The following ARHGAP42 variants were observed in gnomAD, a reference collection of about 807,000 sequenced individuals.
The protein encoded by ARHGAP42 is rho GTPase-activating protein 42.
A neutral mutation model predicts 125.0 loss-of-function variants in ARHGAP42; 63 were observed. The ratio of observed to expected loss-of-function variants is 0.50; its 90% CI spans 0.41 to 0.62. ARHGAP42 has a LOEUF of 0.62. ARHGAP42 is among the 20% of genes least tolerant of loss of function. The pLI is 0.00. For missense variants in ARHGAP42, 766 were observed against 1,024.2 expected, an observed-to-expected ratio of 0.75 and a Z score of 3.44; for synonymous variants, 339 against 351.0, an observed-to-expected ratio of 0.97 and a Z score of 0.38.
chr11:100,834,857 T>C (rs1439771939), intron 3 of ARHGAP42, among the ~76,000 whole-genome samples: 1 of 150,676 alleles, frequency 6.6e-6, no homozygotes, highest in Non-Finnish European at 1.5e-5. Flanking sequence ...TTTTTTTTTT[T>C]CTTTGTTTTT....
chr11:100,986,045 T>C (rs1858670405), intron 22 of ARHGAP42: 1 of 456,538 alleles, frequency 2.2e-6, no homozygotes, highest in South Asian at 1.5e-5. Flanking sequence ...ACCCAGAACA[T>C]CTTTCCTTTT....
At chr11:100,741,280 C>T (rs1862179711) in intron 1 of ARHGAP42, among the ~76,000 whole-genome samples, 1 of 152,298 alleles carries the variant, frequency 6.6e-6, no homozygotes, top group South Asian at 2.1e-4. Flanking sequence ...ATCCACCCAC[C>T]TCGGCTTCCC....
At chr11:100,903,601 C>T (rs1866622955) in intron 4 of ARHGAP42, among the ~76,000 whole-genome samples, 2 of 150,798 alleles carry the variant, frequency 1.3e-5, no homozygotes, top group Non-Finnish European at 2.9e-5. Flanking sequence ...CTCCTAATGC[C>T]AGTATTCCTT....
At chr11:100,967,192 G>GATT (rs1283977682) in intron 17 of ARHGAP42, among the ~76,000 whole-genome samples, 1 of 152,146 alleles carries the variant, frequency 6.6e-6, no homozygotes, top group African/African-American at 2.4e-5. Flanking sequence ...CCTAGATTGG[G>GATT]ATTCCAAAGA....
In ARHGAP42 at chr11:100,687,650, C is replaced by T; in HGVS notation, c.-29C>T. On this transcript the variant is annotated 5_prime_UTR_variant, in exon 1 of 24. Coordinates refer to ENST00000298815, the MANE Select transcript of ARHGAP42 (RefSeq NM_152432.4). Reference sequence around the variant, plus strand: ...GCCCTGACCTCCGGCCCGGACGTGTCCGCGGCCGCCGCTGGCAGCGCCTGT... The same window carrying T: ...GCCCTGACCTCCGGCCCGGACGTGTTCGCGGCCGCCGCTGGCAGCGCCTGT... 1 of 1,419,010 alleles carries T rather than the reference C, an allele frequency of 7.0e-7. No homozygotes were observed. 87.9% of individuals were successfully genotyped at this position (1,419,010 alleles called of 1,614,324 possible).
intron 11 of ARHGAP42, among the ~76,000 whole-genome samples, chr11:100,948,912 G>C (rs1481291634): frequency 6.6e-6 from 1 of 152,098 alleles, no homozygotes; most frequent in Non-Finnish European, 1.5e-5. Context: ...TTCAGGGTAA[G>C]AACTGATTCT....
intron 16 of ARHGAP42, among the ~76,000 whole-genome samples, chr11:100,964,127 G>T (rs1318461160): frequency 2.0e-5 from 3 of 151,962 alleles, no homozygotes; most frequent in Admixed American, 6.6e-5. Flanking sequence ...TAGGTTATTT[G>T]GTTTCAAGCA....
chr11:100,901,036 T>G (rs1866531480), intron 4 of ARHGAP42, among the ~76,000 whole-genome samples: 1 of 152,216 alleles, frequency 6.6e-6, no homozygotes, highest in African/African-American at 2.4e-5. Flanking sequence ...TTTATCTGCC[T>G]TTGGTCTTTG....
Position 100,941,864 on chromosome 11 carries a change from A to T in ARHGAP42, c.913A>T (p.Met305Leu). ...SKTFTMSVSE[M>L]KSSGKMNGLV... ...AACATTTACAATGAGTGTTTCAGAAATGAAATCCAGTGGGAAAATGGTGAG... is the reference window on the plus strand; with the variant it reads ...AACATTTACAATGAGTGTTTCAGAATTGAAATCCAGTGGGAAAATGGTGAG... Residue 305 changes from methionine (M) to leucine (L), a missense_variant, in exon 9 of 24, where the codon ATG (methionine) becomes TTG (leucine). Coordinates refer to ENST00000298815, the MANE Select transcript of ARHGAP42 (RefSeq NM_152432.4). 6.5e-7 allele frequency: 1 copy of T among 1,536,122 alleles called. No homozygotes were observed. The highest frequency in any genetic ancestry group is 8.8e-7 in the Non-Finnish European group (1 of 1,140,502).
At chr11:100,776,349 G>A (rs535325842) in intron 2 of ARHGAP42, among the ~76,000 whole-genome samples, 159 of 152,268 alleles carry the variant, frequency 1.0e-3, no homozygotes, top group Non-Finnish European at 1.7e-3. Context: ...GGAAAGTCTT[G>A]AACAGTATGA....
intron 1 of ARHGAP42, among the ~76,000 whole-genome samples, chr11:100,704,997 C>CCAA (rs202095677): frequency 0.034 from 3,796 of 111,396 alleles, 86 homozygotes; most frequent in Middle Eastern, 0.043. Flanking sequence ...GAGCCAAACC[C>CCAA]CAACAACAAC....
At position 100,992,160 on chromosome 11, in the gene ARHGAP42, A is replaced by G; in HGVS notation, c.*3359A>G. On this transcript the variant is annotated 3_prime_UTR_variant, in exon 24 of 24. Transcript: ENST00000298815. ...CCTCAAGCAATTTCAAATTGTAGTG[A>G]TACCTTAAATCATGTATTCAGGATG... is the stretch of plus-strand genomic sequence containing the variant. The G allele has an allele frequency of 1.2e-6, 1 of 822,584 alleles. No individual in the cohort carries two copies. The highest frequency in any genetic ancestry group is 1.8e-6 in the Non-Finnish European group (1 of 541,028). The allele number at this position is 822,584 out of a possible 1,614,324, so 51.0% of individuals were successfully genotyped here. A position where few individuals can be genotyped will look rare whatever the true frequency, so the allele number is the denominator to read the frequency against.
intron 6 of ARHGAP42, among the ~76,000 whole-genome samples, chr11:100,927,366 T>G (rs1867456133): frequency 6.6e-6 from 1 of 152,184 alleles, no homozygotes; most frequent in Non-Finnish European, 1.5e-5. Context: ...TTCGAAACTC[T>G]GTAGGACTAA....
intron 1 of ARHGAP42, among the ~76,000 whole-genome samples, chr11:100,707,906 C>T (rs543412436): frequency 1.3e-5 from 2 of 152,266 alleles, no homozygotes; most frequent in South Asian, 4.1e-4. Context: ...GTTCCATAGA[C>T]TGATTTGTAC....
At chr11:100,730,997 CT>C (rs951478073) in intron 1 of ARHGAP42, among the ~76,000 whole-genome samples, 1 of 150,770 alleles carries the variant, frequency 6.6e-6, no homozygotes, top group Non-Finnish European at 1.5e-5. Context: ...AAAGGTTTTG[CT>C]TTTTTTTTCT....
chr11:100,991,036 C>T lies in ARHGAP42; in HGVS notation c.*2235C>T, dbSNP rs2135341786. 6.6e-6 allele frequency: 1 copy of T among 152,268 alleles called. No individual in the cohort carries two copies. The highest frequency in any genetic ancestry group is 1.5e-5 in the Non-Finnish European group (1 of 68,026). 9.4% of individuals were successfully genotyped at this position (152,268 alleles called of 1,614,324 possible). On this transcript the variant is annotated 3_prime_UTR_variant, in exon 24 of 24. Transcript: ENST00000298815. Reference sequence around the variant, plus strand: ...TGGATAGGAAGCCTAACTATTGTATCTGATGGCAAGGCATATGTTGCAGCC... The same window carrying T: ...TGGATAGGAAGCCTAACTATTGTATTTGATGGCAAGGCATATGTTGCAGCC...
chr11:100,830,851 G>A (rs1446012300), intron 3 of ARHGAP42, among the ~76,000 whole-genome samples: 2 of 152,052 alleles, frequency 1.3e-5, no homozygotes, highest in Non-Finnish European at 2.9e-5. Context: ...AACCTTGGTG[G>A]GCACCACGGT....
chr11:100,706,586 A>G (rs529508180), intron 1 of ARHGAP42, among the ~76,000 whole-genome samples: 1 of 152,382 alleles, frequency 6.6e-6, no homozygotes, highest in South Asian at 2.1e-4. Context: ...AATGACAATT[A>G]TATATAGTAA....
chr11:100,857,742 C>T (rs1262320289), intron 3 of ARHGAP42, among the ~76,000 whole-genome samples: 1 of 152,086 alleles, frequency 6.6e-6, no homozygotes. Context: ...CTCTTTCTCC[C>T]TCTACGCAAT....
Sources: gnomAD v4.1 joint callset for allele counts (sites outside exome capture counted in the v4.1 genomes callset) on GRCh38, gnomAD v4.1.1 for gene constraint, MANE v1.5 for transcripts, NCBI Gene and HGNC (gene_info 2026-07-23, HGNC 2026-07-21) for gene names.